Variants in MRI1 observed in about 807,000 individuals in gnomAD.
The protein encoded by MRI1 is methylthioribose-1-phosphate isomerase 1, also known as methylthioribose-1-phosphate isomerase.
A neutral mutation model predicts 27.3 loss-of-function variants in MRI1; 32 were observed. The observed-to-expected ratio is 1.17, with a 90% CI of 0.88 to 1.57. MRI1 has a LOEUF of 1.57. Ranked by LOEUF, MRI1 falls within the 40% of genes most tolerant of loss-of-function variation. The pLI, the probability that MRI1 is intolerant of heterozygous loss-of-function variation, is 0.00. For synonymous variants in MRI1, 216 were observed against 227.4 expected (o/e 0.95, Z 0.45); for missense variants, 508 against 516.1 (o/e 0.98, Z 0.15).
chr19:13,768,297 G>A, intron 3 of MRI1: 2 of 822,828 alleles, frequency 2.4e-6, no homozygotes, highest in Non-Finnish European at 4.1e-6. Context: ...GAAAGTGTGG[G>A]GATTGCTATG....
In MRI1 at chr19:13,764,879, C is replaced by T. The variant is rs1298310846; in HGVS notation, c.141C>T (p.Gly47=). The change falls in exon 2 of 6, where the codon GGC becomes GGT. Residue 47 remains glycine (G), a synonymous_variant. Transcript: ENST00000040663. ...WEAIRAMKVR[G]APAIALVGCL... ...AAATCCCTGCCCCGCAGGTGCGGGG[C>T]GCCCCGGCCATAGCCCTGGTGGGCT... The T allele has an allele frequency of 1.5e-6, 2 of 1,355,046 alleles. No homozygotes were observed. The highest frequency in any genetic ancestry group is 1.9e-6 in the Non-Finnish European group (2 of 1,057,496). The allele number at this position is 1,355,046 out of a possible 1,614,324, so 83.9% of individuals were successfully genotyped here.
In MRI1 at chr19:13,768,629, A is replaced by G; in HGVS notation, c.616A>G (p.Asn206Asp). Residue 206 changes from asparagine (N) to aspartate (D), a missense_variant, in exon 4 of 6, where the codon AAC (asparagine) becomes GAC (aspartate). By Grantham distance (23) the Asn-to-Asp change is conservative (BLOSUM62 1). Around this residue, in one of 3 missense-constraint regions of MRI1, gnomAD observed 457 missense variants for 452.8 expected, o/e 1.01. Transcript: ENST00000040663. ...HAFCTETRPYNQGARLTAFEL... is the reference protein window; with the variant it reads ...HAFCTETRPYDQGARLTAFEL... ...CTTCTGCACAGAGACCCGGCCCTAC[A>G]ACCAGGGAGCCCGGCTGACGGCCTT... 6.2e-7 allele frequency: 1 copy of G among 1,613,592 alleles called. No individual in the cohort carries two copies. Among genetic ancestry groups the G allele is most frequent in the South Asian group, 1.1e-5 (1 of 91,066 alleles).
Position 13,769,919 on chromosome 19 carries a change from C to CA in MRI1, c.949+883dup, listed in dbSNP as rs796381451. On this transcript the variant is annotated intron_variant, in intron 5 of 5. Transcript: ENST00000040663. ...TGGGCAACAGAGTGAGATTCTGTCT[C>CA]AAAAAAAAAAAAGAAAAGAAAAAGC... 4.9e-3 allele frequency among the ~76,000 whole-genome samples: 638 copies of CA among 130,436 alleles called. 5 individuals carry two copies. Among genetic ancestry groups the CA allele is most frequent in the African/African-American group, 0.015 (515 of 35,406 alleles). The allele number at this position is 130,436 out of a possible 152,430, so 85.6% of individuals were successfully genotyped here. A position where few individuals can be genotyped will look rare whatever the true frequency, so the allele number is the denominator to read the frequency against.
rs754268241 is a variant in MRI1 at position 13,764,867 on chromosome 19, G to A, written c.133-4G>A. The A allele has an allele frequency of 7.4e-7, 1 of 1,342,884 alleles. No individual in the cohort carries two copies. The highest frequency in any genetic ancestry group is 9.5e-7 in the Non-Finnish European group (1 of 1,050,576). The allele number at this position is 1,342,884 out of a possible 1,614,324, so 83.2% of individuals were successfully genotyped here. A position where few individuals can be genotyped will look rare whatever the true frequency, so the allele number is the denominator to read the frequency against. On this transcript the variant is annotated splice_region_variant and splice_polypyrimidine_tract_variant and intron_variant, in intron 1 of 5. Transcript: ENST00000040663. Reference sequence around the variant, plus strand: ...CTTCCGACGCCCAAATCCCTGCCCCGCAGGTGCGGGGCGCCCCGGCCATAG... The same window carrying A: ...CTTCCGACGCCCAAATCCCTGCCCCACAGGTGCGGGGCGCCCCGGCCATAG...
At chr19:13,766,182 A>G (rs1974121014) in intron 3 of MRI1, 53 bp downstream of exon 3, 1 of 1,461,592 alleles carries the variant, frequency 6.8e-7, no homozygotes, top group African/African-American at 1.4e-5. Context: ...ACTTTTTTAG[A>G]TACAAGAGAA....
rs915246335 is a variant in MRI1, at chr19:13,772,859, TA to T, written c.*585del. ...AAATATAATTAATTAATTATTTAAT[TA>T]AAAAAATAAAAAATAAATGTGGATA... On this transcript the variant is annotated 3_prime_UTR_variant, in exon 6 of 6. Coordinates refer to ENST00000040663, the MANE Select transcript of MRI1 (RefSeq NM_001031727.4). 2.0e-5 allele frequency: 3 copies of T among 151,168 alleles called. No individual in the cohort carries two copies. The highest frequency in any genetic ancestry group is 4.9e-5 in the African/African-American group (2 of 40,964). The allele number at this position is 151,168 out of a possible 1,614,324, so 9.4% of individuals were successfully genotyped here.
Position 13,765,034 on chromosome 19 carries a change from C to A in MRI1, c.296C>A (p.Ala99Asp), listed in dbSNP as rs988564564. The A allele has an allele frequency of 6.6e-7, 1 of 1,524,498 alleles. No homozygotes were observed. Among genetic ancestry groups the A allele is most frequent in the East Asian group, 2.6e-5 (1 of 39,164 alleles). The allele number at this position is 1,524,498 out of a possible 1,614,324, so 94.4% of individuals were successfully genotyped here. A position where few individuals can be genotyped will look rare whatever the true frequency, so the allele number is the denominator to read the frequency against. ...CCCACCGCTGTCAACATGGCCCGCGCCGCCCGCGACCTGGCTGATGTTGCA... is the reference window on the plus strand; with the variant it reads ...CCCACCGCTGTCAACATGGCCCGCGACGCCCGCGACCTGGCTGATGTTGCA... ...ARPTAVNMAR[A>D]ARDLADVAAR... The change falls in exon 2 of 6, where the codon GCC becomes GAC. Residue 99 changes from alanine to aspartate, a missense_variant. Transcript: ENST00000040663.
intron 5 of MRI1, 55 bp downstream of exon 5, chr19:13,769,103 C>A: frequency 7.1e-7 from 1 of 1,410,086 alleles, no homozygotes; most frequent in Non-Finnish European, 9.8e-7. Flanking sequence ...TTCATGGAGG[C>A]AGGTGATATG....
Position 13,766,097 on chromosome 19 carries a change from C to T in MRI1, c.515C>T (p.Ala172Val). The T allele has an allele frequency of 1.2e-6, 2 of 1,604,472 alleles. No homozygotes were observed. The highest frequency in any genetic ancestry group is 1.7e-6 in the Non-Finnish European group (2 of 1,174,328). ...GTGCTGACCCACTGTAACACTGGTG[C>T]TCTGGCCACCGCTGGCTATGGTACA... The part of the protein sequence containing the change: ...VTVLTHCNTG[A>V]LATAGYGTAL... Residue 172 changes from alanine (A) to valine (V), a missense_variant, in exon 3 of 6, where the codon GCT becomes GTT. By Grantham distance (64) the Ala-to-Val change is moderately conservative. Coordinates refer to ENST00000040663, the MANE Select transcript of MRI1 (RefSeq NM_001031727.4).
chr19:13,772,370 C>A lies in MRI1; in HGVS notation c.*89C>A. ...AAAAGCTGACCGTCCAGCCCCTGAC[C>A]ACACTTGTTCCTAGTGCAGGGAGCT... On this transcript the variant is annotated 3_prime_UTR_variant, in exon 6 of 6. Transcript: ENST00000040663. 1.5e-6 allele frequency: 2 copies of A among 1,312,738 alleles called. No homozygotes were observed. The highest frequency in any genetic ancestry group is 1.4e-5 in the South Asian group (1 of 69,664). The allele number at this position is 1,312,738 out of a possible 1,614,324, so 81.3% of individuals were successfully genotyped here.
rs371177220 is a variant in MRI1, at chr19:13,768,569, C to T, written c.556C>T (p.Arg186Cys). Residue 186 changes from arginine to cysteine, a missense_variant, in exon 4 of 6, where the codon CGC becomes TGC. Physicochemically the swap from Arg to Cys is radical, Grantham distance 180. Coordinates refer to ENST00000040663, the MANE Select transcript of MRI1 (RefSeq NM_001031727.4). ...GGGTGGGGCCCCCGCAGGTGTGATT[C>T]GCTCACTGCACAGCCTGGGCCGCCT... ...AGYGTALGVIRSLHSLGRLEH... is the reference protein window; with the variant it reads ...AGYGTALGVICSLHSLGRLEH... The T allele has an allele frequency of 1.0e-5, 16 of 1,605,094 alleles. No individual in the cohort carries two copies. The highest frequency in any genetic ancestry group is 7.8e-5 in the South Asian group (7 of 89,878).
chr19:13,767,043 T>A (rs56139429), intron 3 of MRI1, among the ~76,000 whole-genome samples: 106 of 32,754 alleles, frequency 3.2e-3, no homozygotes, highest in African/African-American at 4.1e-3. Flanking sequence ...ATATATTTTT[T>A]TTTTTTTTTT....
At position 13,767,861 on chromosome 19, in the gene MRI1, C is replaced by CTTTTTTTTTTTT. The variant is rs1170108927; in HGVS notation, c.548-686_548-675dup. Among the ~76,000 whole-genome samples, 58 of 61,078 alleles carry CTTTTTTTTTTTT rather than the reference C, an allele frequency of 9.5e-4. 9 individuals are homozygous for CTTTTTTTTTTTT. In the East Asian group the frequency reaches 0.01, roughly 11 times the overall value. The allele number at this position is 61,078 out of a possible 152,430, so 40.1% of individuals were successfully genotyped here. On this transcript the variant is annotated intron_variant, in intron 3 of 5. Coordinates refer to ENST00000040663, the MANE Select transcript of MRI1 (RefSeq NM_001031727.4). ...TCTTTTCAAGTATTTTCTTTCTTTCCTTTTTTTTTTTTTTTTTTTTTTTTT... is the reference window on the plus strand; with the variant it reads ...TCTTTTCAAGTATTTTCTTTCTTTCCTTTTTTTTTTTTTTTTTTTTTTTTTTTTTTTTTTTTT...
At chr19:13,767,038 T>TATATATATATATATA (rs1491251073) in intron 3 of MRI1, among the ~76,000 whole-genome samples, 24 of 14,362 alleles carry the variant, frequency 1.7e-3, no homozygotes, top group South Asian at 2.9e-3. Context: ...TATATATATA[T>TATATATATATATATA]TTTTTTTTTT....
rs1138206 is a variant in MRI1 at position 13,773,384 on chromosome 19, A to C, written c.*1103A>C. On this transcript the variant is annotated 3_prime_UTR_variant, in exon 6 of 6. Transcript: ENST00000040663. Reference sequence around the variant, plus strand: ...GCCAGGCTTGGTGGCTCATGCCTGTAATTCCAGCACTTTGGGAGGATCCCT... The same window carrying C: ...GCCAGGCTTGGTGGCTCATGCCTGTCATTCCAGCACTTTGGGAGGATCCCT... 1 of 151,400 alleles carries C rather than the reference A, an allele frequency of 6.6e-6. No individual in the cohort carries two copies. The allele number at this position is 151,400 out of a possible 1,614,324, so 9.4% of individuals were successfully genotyped here.
At chr19:13,767,861 C>CTTTTTTTTTTTTTTTTTTTTTTTTTTTT (rs1170108927) in intron 3 of MRI1, among the ~76,000 whole-genome samples, 21 of 61,078 alleles carry the variant, frequency 3.4e-4, no homozygotes, top group African/African-American at 7.0e-4. Flanking sequence ...TCTTTCTTTC[C>CTTTTTTTTTTTTTTTTTTTTTTTTTTTT]TTTTTTTTTT....
chr19:13,767,634 A>G (rs536909740), intron 3 of MRI1, among the ~76,000 whole-genome samples: 4 of 115,106 alleles, frequency 3.5e-5, no homozygotes, highest in African/African-American at 1.1e-4. Context: ...GCAAAACCCC[A>G]TCTCTACAAA....
chr19:13,771,038 G>A (rs984759809), intron 5 of MRI1, among the ~76,000 whole-genome samples: 4 of 151,942 alleles, frequency 2.6e-5, no homozygotes, highest in African/African-American at 9.7e-5. Context: ...ACCAGCCTGG[G>A]CAACATTGCC....
In MRI1 at chr19:13,765,030, C is replaced by G. The variant is rs1397735577; in HGVS notation, c.292C>G (p.Arg98Gly). 5 of 1,524,852 alleles carry G rather than the reference C, an allele frequency of 3.3e-6. No individual in the cohort carries two copies. The highest frequency in any genetic ancestry group is 3.5e-6 in the Non-Finnish European group (4 of 1,141,294). The allele number at this position is 1,524,852 out of a possible 1,614,324, so 94.5% of individuals were successfully genotyped here. A position where few individuals can be genotyped will look rare whatever the true frequency, so the allele number is the denominator to read the frequency against. Residue 98 changes from arginine (R) to glycine (G), a missense_variant, in exon 2 of 6, where the codon CGC (arginine) becomes GGC (glycine). Coordinates refer to ENST00000040663, the MANE Select transcript of MRI1 (RefSeq NM_001031727.4). ...TARPTAVNMA[R>G]AARDLADVAA... is the part of the protein sequence containing the mutation. ...CCGGCCCACCGCTGTCAACATGGCC[C>G]GCGCCGCCCGCGACCTGGCTGATGT...
Sources: allele counts gnomAD v4.1 joint callset (sites outside exome capture counted in the v4.1 genomes callset), GRCh38; gene constraint gnomAD v4.1.1; regional missense constraint gnomAD v4.1.1; transcripts MANE v1.5; gene names NCBI Gene and HGNC (gene_info 2026-07-23, HGNC 2026-07-21).